Variants in HDAC9 observed in about 807,000 individuals in gnomAD.
HDAC9 encodes the protein MEF-2 interacting transcription repressor (MITR) protein.
HDAC9 carries 41 observed loss-of-function variants against 139.4 expected under a neutral mutation model. That is an observed-to-expected ratio of 0.29 (90% CI 0.23 to 0.38). The LOEUF (loss-of-function observed/expected upper bound fraction) is 0.38, where lower values mean the gene tolerates loss of function less well. Ranked by LOEUF, HDAC9 falls within the 10% of genes least tolerant of loss-of-function variation. The pLI is 1.00. For missense variants in HDAC9, 1,147 were observed against 1,297.0 expected, an observed-to-expected ratio of 0.88 and a Z score of 1.78; for synonymous variants, 517 against 476.2, an observed-to-expected ratio of 1.09 and a Z score of -1.12.
chr7:18,165,753 C>T (rs980029187), intron 2 of HDAC9, among the ~76,000 whole-genome samples: 2 of 150,468 alleles, frequency 1.3e-5, no homozygotes, highest in African/African-American at 4.9e-5. Context: ...ATGATGAAGC[C>T]ACTGCACTGC....
intron 6 of HDAC9, among the ~76,000 whole-genome samples, chr7:18,608,764 A>G (rs189078477): frequency 4.6e-4 from 70 of 152,300 alleles, no homozygotes; most frequent in African/African-American, 1.6e-3. Context: ...TAAATATTAA[A>G]TAAACCAGTA....
At chr7:18,579,996 C>A (rs573672109) in intron 2 of HDAC9, among the ~76,000 whole-genome samples, 1 of 152,040 alleles carries the variant, frequency 6.6e-6, no homozygotes, top group African/African-American at 2.4e-5. Context: ...CGAAAGAGTC[C>A]GGTTTTTGAA....
intron 6 of HDAC9, among the ~76,000 whole-genome samples, chr7:18,595,253 A>G (rs1832140878): frequency 6.6e-6 from 1 of 152,086 alleles, no homozygotes; most frequent in African/African-American, 2.4e-5. Context: ...GATGATAAGT[A>G]TTATAAAATA....
intron 21 of HDAC9, among the ~76,000 whole-genome samples, chr7:18,858,356 TGGGA>T (rs1797847258): frequency 6.6e-6 from 1 of 152,124 alleles, no homozygotes. Context: ...ACAATCATGG[TGGGA>T]GGCACCTCTT....
At chr7:18,183,837 A>G (rs2128143172) in intron 2 of HDAC9, among the ~76,000 whole-genome samples, 1 of 152,268 alleles carries the variant, frequency 6.6e-6, no homozygotes, top group Non-Finnish European at 1.5e-5. Flanking sequence ...ATAAATGGTA[A>G]AGTATCCTGG....
chr7:18,508,153 T>G (rs1800372903), intron 2 of HDAC9, among the ~76,000 whole-genome samples: 2 of 152,336 alleles, frequency 1.3e-5, no homozygotes, highest in Admixed American at 1.3e-4. Flanking sequence ...TAGATAAAGC[T>G]ACTTGAGATA....
At chr7:18,440,437 G>A (rs914516022) in intron 1 of HDAC9, among the ~76,000 whole-genome samples, 1 of 151,744 alleles carries the variant, frequency 6.6e-6, no homozygotes, top group Non-Finnish European at 1.5e-5. Context: ...TGCCCACCTC[G>A]GCCTCCCAAA....
chr7:18,800,467 G>A (rs1445857201), intron 17 of HDAC9, among the ~76,000 whole-genome samples: 1 of 152,156 alleles, frequency 6.6e-6, no homozygotes, highest in African/African-American at 2.4e-5. Flanking sequence ...TTAGATGATT[G>A]AGTCTATTTG....
At chr7:18,800,082 A>G (rs1793159519) in intron 17 of HDAC9, among the ~76,000 whole-genome samples, 2 of 152,182 alleles carry the variant, frequency 1.3e-5, no homozygotes, top group Admixed American at 1.3e-4. Context: ...ATCATAAACT[A>G]TGTAGGCCAG....
intron 2 of HDAC9, among the ~76,000 whole-genome samples, chr7:18,174,534 T>C (rs1173023348): frequency 6.6e-6 from 1 of 152,246 alleles, no homozygotes; most frequent in Non-Finnish European, 1.5e-5. Context: ...AGAGGTGCTC[T>C]GGATTTTAGA....
chr7:18,711,783 A>G (rs1288507994), intron 12 of HDAC9, among the ~76,000 whole-genome samples: 1 of 152,182 alleles, frequency 6.6e-6, no homozygotes, highest in Admixed American at 6.5e-5. Context: ...TATAAATCTC[A>G]TATGACACAG....
At chr7:18,590,534 C>T in intron 4 of HDAC9, 48 bp downstream of exon 4, 1 of 1,536,194 alleles carries the variant, frequency 6.5e-7, no homozygotes, top group Non-Finnish European at 8.8e-7. Flanking sequence ...TCATCGTTAG[C>T]TGATCATTAT....
rs1340875295 is a variant in HDAC9 at position 18,997,807 on chromosome 7, A to G, written c.*1745A>G. 3.3e-5 allele frequency: 5 copies of G among 152,086 alleles called. No homozygotes were observed. Among genetic ancestry groups the G allele is most frequent in the Non-Finnish European group, 7.4e-5 (5 of 67,966 alleles). The allele number at this position is 152,086 out of a possible 1,614,324, so 9.4% of individuals were successfully genotyped here. A position where few individuals can be genotyped will look rare whatever the true frequency, so the allele number is the denominator to read the frequency against. ...TGCATTTGGTTTTTTTAGGATTACC[A>G]TTTTAATTTTAAAGACTTTTATTAC... is the stretch of plus-strand genomic sequence containing the variant. On this transcript the variant is annotated 3_prime_UTR_variant, in exon 26 of 26. Coordinates refer to ENST00000686413, the MANE Select transcript of HDAC9 (RefSeq NM_178425.4).
intron 1 of HDAC9, among the ~76,000 whole-genome samples, chr7:18,121,599 T>C (rs1436737573): frequency 6.6e-6 from 1 of 151,928 alleles, no homozygotes; most frequent in East Asian, 1.9e-4. Flanking sequence ...AAAACAGCTT[T>C]TAATCAACAT....
chr7:18,685,135 T>C (rs1782175319), intron 12 of HDAC9, among the ~76,000 whole-genome samples: 1 of 152,046 alleles, frequency 6.6e-6, no homozygotes, highest in African/African-American at 2.4e-5. Context: ...GAAAGGTTAG[T>C]TGGAGTACAC....
chr7:18,388,603 A>C (rs946343118), intron 1 of HDAC9, among the ~76,000 whole-genome samples: 1 of 152,190 alleles, frequency 6.6e-6, no homozygotes, highest in African/African-American at 2.4e-5. Flanking sequence ...TGACCAGGAA[A>C]CACATGAAAA....
intron 12 of HDAC9, among the ~76,000 whole-genome samples, chr7:18,710,050 C>G (rs2588636): frequency 2.6e-5 from 4 of 152,234 alleles, no homozygotes; most frequent in African/African-American, 9.6e-5. Flanking sequence ...GCCTCACAAT[C>G]ATGGTGGAAG....
At chr7:18,087,651 C>T (rs1238361010) in intron 1 of HDAC9, among the ~76,000 whole-genome samples, 1 of 152,116 alleles carries the variant, frequency 6.6e-6, no homozygotes, top group African/African-American at 2.4e-5. Context: ...ACATCAGAAT[C>T]CTGGGTTTTA....
At chr7:18,469,518 A>C (rs189372135) in intron 1 of HDAC9, among the ~76,000 whole-genome samples, 2 of 152,314 alleles carry the variant, frequency 1.3e-5, no homozygotes, top group African/African-American at 4.8e-5. Flanking sequence ...TCTAACAGGG[A>C]GCTTAACAGA....
Sources: gnomAD v4.1 joint callset for allele counts (sites outside exome capture counted in the v4.1 genomes callset) on GRCh38, gnomAD v4.1.1 for gene constraint, MANE v1.5 for transcripts, NCBI Gene and HGNC (gene_info 2026-07-23, HGNC 2026-07-21) for gene names.